Variants in NT5M observed in about 807,000 individuals in gnomAD.
NT5M encodes 5',3'-nucleotidase, mitochondrial.
Under a neutral mutation model 22.2 loss-of-function variants are expected in NT5M, and 22 were observed. That is an observed-to-expected ratio of 0.99 (90% CI 0.71 to 1.41). NT5M has a LOEUF of 1.41. NT5M is among the 40% of genes most tolerant of loss of function. The pLI, the probability that NT5M is intolerant of heterozygous loss-of-function variation, is 0.00. For missense variants in NT5M, 322 were observed against 314.8 expected (o/e 1.02, Z -0.17); for synonymous variants, 167 against 133.0 (o/e 1.26, Z -1.76).
intron 2 of NT5M, among the ~76,000 whole-genome samples, chr17:17,316,567 G>A (rs2049032032): frequency 6.6e-6 from 1 of 150,910 alleles, no homozygotes; most frequent in East Asian, 2.0e-4. Context: ...TTAGAGATGG[G>A]GTTTCACCAT....
chr17:17,303,783 C>G lies in NT5M; in HGVS notation c.233C>G (p.Ser78Trp). The part of the protein sequence containing the change: ...ALEDRRGFWV[S>W]EQYGRLRPGL... ...GAGGACCGGCGCGGCTTCTGGGTGT[C>G]GGAGCAGTACGGCCGCCTGCGGCCA... is the stretch of plus-strand genomic sequence containing the variant. The change falls in exon 1 of 5, where the codon TCG becomes TGG. Residue 78 changes from serine (S) to tryptophan (W), a missense_variant. By Grantham distance (177) the Ser-to-Trp change is radical. Transcript: ENST00000389022. The G allele has an allele frequency of 6.4e-7, 1 of 1,568,126 alleles. No homozygotes were observed. The highest frequency in any genetic ancestry group is 8.6e-7 in the Non-Finnish European group (1 of 1,157,662).
rs1483864049 is a variant in NT5M, at chr17:17,320,643, A to C, written c.369-2542A>C. On this transcript the variant is annotated intron_variant, in intron 2 of 4. Transcript: ENST00000389022. ...GTGTGTGAGGCGTCCAGGTGGGTGGAAACTTGGTGCTGGGAGAGGTTGGGA... is the reference window on the plus strand; with the variant it reads ...GTGTGTGAGGCGTCCAGGTGGGTGGCAACTTGGTGCTGGGAGAGGTTGGGA... 3.9e-5 allele frequency among the ~76,000 whole-genome samples: 6 copies of C among 152,174 alleles called. No homozygotes were observed. The South Asian group carries it at 8.3e-4, about 21-fold the overall frequency.
At chr17:17,312,881 G>A (rs1386842671) in intron 2 of NT5M, among the ~76,000 whole-genome samples, 1 of 152,120 alleles carries the variant, frequency 6.6e-6, no homozygotes, top group South Asian at 2.1e-4. Context: ...GCTGAGGCAG[G>A]AGGATCACTT....
At chr17:17,312,136 C>A (rs922292232) in intron 2 of NT5M, among the ~76,000 whole-genome samples, 1 of 152,230 alleles carries the variant, frequency 6.6e-6, no homozygotes, top group Non-Finnish European at 1.5e-5. Flanking sequence ...ATGTGCCTGG[C>A]ACATAGCAGG....
intron 2 of NT5M, among the ~76,000 whole-genome samples, chr17:17,317,638 G>A (rs2049058877): frequency 6.6e-6 from 1 of 152,112 alleles, no homozygotes; most frequent in African/African-American, 2.4e-5. Context: ...AAACAGTGCA[G>A]CCAGTGTGGA....
intron 2 of NT5M, among the ~76,000 whole-genome samples, chr17:17,316,056 T>TAGG (rs1434699457): frequency 1.2e-4 from 17 of 142,420 alleles, no homozygotes; most frequent in African/African-American, 3.9e-4. Flanking sequence ...TGCCCGGCCT[T>TAGG]TTTTTTTTTT....
intron 2 of NT5M, among the ~76,000 whole-genome samples, chr17:17,307,077 A>G (rs1231158297): frequency 1.3e-5 from 2 of 152,168 alleles, no homozygotes; most frequent in African/African-American, 4.8e-5. Context: ...ACATGCCTGT[A>G]ATCCCAGCTA....
intron 2 of NT5M, among the ~76,000 whole-genome samples, chr17:17,317,552 C>T (rs139633594): frequency 4.6e-5 from 7 of 152,270 alleles, no homozygotes; most frequent in East Asian, 1.9e-4. Flanking sequence ...AACAGAAGGC[C>T]GGAAGGCCAG....
chr17:17,323,650 G>C (rs780042337), intron 3 of NT5M, among the ~76,000 whole-genome samples: 1 of 152,208 alleles, frequency 6.6e-6, no homozygotes, highest in Non-Finnish European at 1.5e-5. Flanking sequence ...GACCTTTCTG[G>C]AAATTGGGAA....
At position 17,347,573 on chromosome 17, in the gene NT5M, A is replaced by G. The variant is rs2049785440; in HGVS notation, c.*626A>G. On this transcript the variant is annotated 3_prime_UTR_variant, in exon 5 of 5. Coordinates refer to ENST00000389022, the MANE Select transcript of NT5M (RefSeq NM_020201.4). ...AGAGGTTTCTCACACCTCTGTTCCC[A>G]GGGCCCCGCTCAGGGCCCAGCAGAG... is the stretch of plus-strand genomic sequence containing the variant. 6.5e-6 allele frequency: 1 copy of G among 152,986 alleles called. No individual in the cohort carries two copies. Among genetic ancestry groups the G allele is most frequent in the Non-Finnish European group, 1.5e-5 (1 of 68,666 alleles). The allele number at this position is 152,986 out of a possible 1,614,324, so 9.5% of individuals were successfully genotyped here. A position where few individuals can be genotyped will look rare whatever the true frequency, so the allele number is the denominator to read the frequency against.
In NT5M at chr17:17,303,611, C is replaced by A; in HGVS notation, c.61C>A (p.Arg21=). Residue 21 remains arginine, a synonymous_variant, in exon 1 of 5, where the codon CGG becomes AGG. Transcript: ENST00000389022. The stretch of plus-strand genomic sequence containing the variant: ...CTGCAGCGCGGCGGTTCCCGCGGGG[C>A]GGCGCGGGGCGGCGGGCGGGCTGGG... The part of the protein sequence containing the change: ...RLCSAAVPAG[R]RGAAGGLGLA... 2 of 1,253,940 alleles carry A rather than the reference C, an allele frequency of 1.6e-6. No individual in the cohort carries two copies. The highest frequency in any genetic ancestry group is 2.0e-6 in the Non-Finnish European group (2 of 994,140). 77.7% of individuals were successfully genotyped at this position (1,253,940 alleles called of 1,614,324 possible).
intron 2 of NT5M, among the ~76,000 whole-genome samples, chr17:17,319,568 T>C (rs527680722): frequency 3.9e-5 from 6 of 152,312 alleles, no homozygotes; most frequent in African/African-American, 1.2e-4. Flanking sequence ...TTTAACACTA[T>C]GGGCGAATAT....
In NT5M at chr17:17,338,195, CT is replaced by C. The variant is rs35575792; in HGVS notation, c.430-6584del. 6.0e-3 allele frequency among the ~76,000 whole-genome samples: 859 copies of C among 142,966 alleles called. 2 individuals carry two copies. Among genetic ancestry groups the C allele is most frequent in the African/African-American group, 0.014 (561 of 39,302 alleles). 93.8% of individuals were successfully genotyped at this position (142,966 alleles called of 152,430 possible). A position where few individuals can be genotyped will look rare whatever the true frequency, so the allele number is the denominator to read the frequency against. ...TGGATTTATCTGTGGGTTCTGTGAT[CT>C]TTTTTTTTTTTTTTGAGACGGAGTC... On this transcript the variant is annotated intron_variant, in intron 3 of 4. Transcript: ENST00000389022.
intron 1 of NT5M, among the ~76,000 whole-genome samples, chr17:17,305,968 A>G (rs987464429): frequency 2.6e-5 from 4 of 152,114 alleles, no homozygotes; most frequent in African/African-American, 7.2e-5. Flanking sequence ...TTGCAACTCT[A>G]AAAGCAGCAG....
chr17:17,306,581 T>C lies in NT5M; in HGVS notation c.306T>C (p.Phe102=). Residue 102 remains phenylalanine (F), a synonymous_variant, in exon 2 of 5, where the codon TTT becomes TTC. Transcript: ENST00000389022. ...GCATTTGGGAGTCAAAGAATTTCTT[T>C]TTTGAACTTGAGCCTCTGCCAGGGG... ...AISIWESKNF[F]FELEPLPGAV... 1 of 1,614,024 alleles carries C rather than the reference T, an allele frequency of 6.2e-7. No individual in the cohort carries two copies.
intron 2 of NT5M, among the ~76,000 whole-genome samples, chr17:17,317,458 G>A (rs11869079): frequency 0.62 from 93,622 of 152,086 alleles, 30,232 homozygotes; most frequent in East Asian, 0.79. Flanking sequence ...CAGTCATTAG[G>A]GAAATGCAAG....
At chr17:17,328,414 C>T (rs748161974) in intron 3 of NT5M, among the ~76,000 whole-genome samples, 3 of 152,124 alleles carry the variant, frequency 2.0e-5, no homozygotes, top group Non-Finnish European at 4.4e-5. Flanking sequence ...GTGAGTAAGG[C>T]GAAGGTTGCT....
At chr17:17,333,393 C>T (rs2049428497) in intron 3 of NT5M, 1 of 152,056 alleles carries the variant, frequency 6.6e-6, no homozygotes, top group Non-Finnish European at 1.5e-5. Flanking sequence ...AGCTGTGACC[C>T]CCTGGGCTGA....
Position 17,326,974 on chromosome 17 carries a change from C to G in NT5M, c.429+3729C>G, listed in dbSNP as rs562389000. On this transcript the variant is annotated intron_variant, in intron 3 of 4. Coordinates refer to ENST00000389022, the MANE Select transcript of NT5M (RefSeq NM_020201.4). Reference sequence around the variant, plus strand: ...TCACCCAGGCTGGAGTGCAGTGGTGCGATCTCGGCTTACTGCAACATCCGC... The same window carrying G: ...TCACCCAGGCTGGAGTGCAGTGGTGGGATCTCGGCTTACTGCAACATCCGC... Among the ~76,000 whole-genome samples, 84 of 152,182 alleles carry G rather than the reference C, an allele frequency of 5.5e-4. 2 individuals are homozygous for G. Among genetic ancestry groups the G allele is most frequent in the South Asian group, 3.3e-3 (16 of 4,818 alleles).
Sources: gnomAD v4.1 joint callset for allele counts (sites outside exome capture counted in the v4.1 genomes callset) on GRCh38, gnomAD v4.1.1 for gene constraint, MANE v1.5 for transcripts, NCBI Gene and HGNC (gene_info 2026-07-23, HGNC 2026-07-21) for gene names.